Variants in VARS1 observed in about 807,000 individuals in gnomAD.
VARS1 encodes valine--tRNA ligase.
VARS1 carries 92 observed loss-of-function variants against 161.0 expected under a neutral mutation model. The observed-to-expected ratio is 0.57, with a 90% CI of 0.48 to 0.68. VARS1 has a LOEUF of 0.68. Ranked by LOEUF, VARS1 falls within the 30% of genes least tolerant of loss-of-function variation. The probability of loss-of-function intolerance (pLI) is 0.00; values close to 1 mark genes in which losing one functional copy is unlikely to be tolerated. For missense variants in VARS1, 1,338 were observed against 1,695.9 expected (o/e 0.79, Z 3.71); for synonymous variants, 595 against 682.5 (o/e 0.87, Z 2.00).
At position 31,792,496 on chromosome 6, in the gene VARS1, G is replaced by A. The variant is rs1813942498; in HGVS notation, c.682C>T (p.Pro228Ser). ...HQPGPEAPAL[P>S]KTAAQLKKEA... Reference sequence around the variant, plus strand: ...TTCTTGAGCTGAGCAGCTGTCTTTGGGAGGGCAGGAGCCTCGGGGCCTAGA... The same window carrying A: ...TTCTTGAGCTGAGCAGCTGTCTTTGAGAGGGCAGGAGCCTCGGGGCCTAGA... The change falls in exon 5 of 30, where the codon CCA (proline) becomes TCA (serine). Residue 228 changes from proline (P) to serine (S), a missense_variant. By Grantham distance (74) the Pro-to-Ser change is moderately conservative. Transcript: ENST00000375663. 2 of 1,613,750 alleles carry A rather than the reference G, an allele frequency of 1.2e-6. No individual in the cohort carries two copies. The highest frequency in any genetic ancestry group is 4.5e-5 in the East Asian group (2 of 44,850).
Position 31,782,441 on chromosome 6 carries a change from C to A in VARS1, c.1994G>T (p.Arg665Leu). The change falls in exon 17 of 30, where the codon CGG becomes CTG. Residue 665 changes from arginine to leucine, a missense_variant and splice_region_variant. This residue lies in a region of VARS1 where 902 missense variants were observed against 1,090.3 expected (regional missense o/e 0.83). Coordinates refer to ENST00000375663, the MANE Select transcript of VARS1 (RefSeq NM_006295.3). The surrounding 1 kb of genome is among the most constrained non-coding windows in gnomAD (Gnocchi z 8.3). ...CAGAGGCTCTACCACGTCCTTCGAC[C>A]GGCTGGGGGTACACGTAGGTGAGAA... The part of the protein sequence containing the change: ...DNPMVVPLCN[R>L]SKDVVEPLLR... 6.2e-7 allele frequency: 1 copy of A among 1,611,940 alleles called. No homozygotes were observed. Among genetic ancestry groups the A allele is most frequent in the Non-Finnish European group, 8.5e-7 (1 of 1,179,448 alleles).
At chr6:31,794,469 C>T (rs1814122856) in intron 2 of VARS1, among the ~76,000 whole-genome samples, 1 of 152,166 alleles carries the variant, frequency 6.6e-6, no homozygotes, top group African/African-American at 2.4e-5. Context: ...TCTCCCTCAC[C>T]CAGTCTTTTC....
rs1384815437 is a variant in VARS1, at chr6:31,779,859, T to C, written c.3082-45A>G. On this transcript the variant is annotated intron_variant, in intron 26 of 29. Coordinates refer to ENST00000375663, the MANE Select transcript of VARS1 (RefSeq NM_006295.3). The surrounding 1 kb of genome is among the most constrained non-coding windows in gnomAD (Gnocchi z 9.1). ...GGGCTCACGGCTGGAGGTCTAGCCT[T>C]GAGCCCTCGCTGTGCCTGTGAGGAC... 28 of 1,607,922 alleles carry C rather than the reference T, an allele frequency of 1.7e-5. No individual in the cohort carries two copies. The highest frequency in any genetic ancestry group is 2.1e-5 in the Non-Finnish European group (25 of 1,176,710).
At chr6:31,786,324 G>GAGTA (rs1295361201) in intron 8 of VARS1, among the ~76,000 whole-genome samples, 13 of 151,752 alleles carry the variant, frequency 8.6e-5, no homozygotes, top group Admixed American at 5.9e-4. Context: ...TGATTCTAAA[G>GAGTA]CTAGTCAAGG....
chr6:31,788,765 C>A (rs1427531319), intron 8 of VARS1, among the ~76,000 whole-genome samples: 1 of 151,808 alleles, frequency 6.6e-6, no homozygotes, highest in Non-Finnish European at 1.5e-5. Flanking sequence ...GCCAAGATTG[C>A]GCCACCGCAC....
rs746911944 is a variant in VARS1, at chr6:31,782,053, G to A, written c.2241+34C>T. The A allele has an allele frequency of 6.2e-7, 1 of 1,612,408 alleles. No homozygotes were observed. The highest frequency in any genetic ancestry group is 8.5e-7 in the Non-Finnish European group (1 of 1,179,074). On this transcript the variant is annotated intron_variant, in intron 18 of 29. Transcript: ENST00000375663. This position sits in a 1 kb window ranked among gnomAD's most constrained non-coding sequence, Gnocchi z 8.3. ...CCAGTAAACCCACCACTCCAGCAGG[G>A]TGTCCCAGCAGCTAGCTCTGGCCCT...
Position 31,777,743 on chromosome 6 carries a change from A to C in VARS1, c.3727-81T>G. On this transcript the variant is annotated intron_variant, in intron 29 of 29. Transcript: ENST00000375663. The surrounding 1 kb of genome is among the most constrained non-coding windows in gnomAD (Gnocchi z 5.8). Reference sequence around the variant, plus strand: ...AACACCCAGGACAACAAAGTTGGAAAGATGAGCGAGGACCATGGGAGGTCA... The same window carrying C: ...AACACCCAGGACAACAAAGTTGGAACGATGAGCGAGGACCATGGGAGGTCA... The C allele has an allele frequency of 6.6e-7, 1 of 1,518,528 alleles. No homozygotes were observed. Among genetic ancestry groups the C allele is most frequent in the Non-Finnish European group, 9.0e-7 (1 of 1,114,318 alleles). The allele number at this position is 1,518,528 out of a possible 1,614,324, so 94.1% of individuals were successfully genotyped here.
chr6:31,784,778 C>G lies in VARS1; in HGVS notation c.1348-64G>C. On this transcript the variant is annotated intron_variant, in intron 10 of 29. Transcript: ENST00000375663. The surrounding 1 kb of genome is among the most constrained non-coding windows in gnomAD (Gnocchi z 6.1). ...GTGCCTGGAGGCCCAGGCAGACACC[C>G]AGGGCTCCAGTGAGGCCTTGCCCAT... is the stretch of plus-strand genomic sequence containing the variant. 1 of 1,606,518 alleles carries G rather than the reference C, an allele frequency of 6.2e-7. No homozygotes were observed.
rs1437171498 is a variant in VARS1 at position 31,779,114 on chromosome 6, C to T, written c.3579G>A (p.Gly1193=). ...CCAGCTCCCGTGCAGGGTCCACCAG[C>T]CCCTGAAGCTGCAGGTGGATGGAGC... is the stretch of plus-strand genomic sequence containing the variant. ...DRCSIHLQLQ[G]LVDPARELGK... is the part of the protein sequence containing the mutation. Residue 1193 remains glycine, a synonymous_variant, in exon 29 of 30, where the codon GGG becomes GGA. Coordinates refer to ENST00000375663, the MANE Select transcript of VARS1 (RefSeq NM_006295.3). The surrounding 1 kb of genome is among the most constrained non-coding windows in gnomAD (Gnocchi z 9.1). 1.2e-6 allele frequency: 2 copies of T among 1,608,414 alleles called. No homozygotes were observed. The highest frequency in any genetic ancestry group is 1.1e-5 in the South Asian group (1 of 90,680).
chr6:31,793,131 G>T lies in VARS1; in HGVS notation c.388-11C>A. On this transcript the variant is annotated splice_polypyrimidine_tract_variant and intron_variant, in intron 2 of 29. Transcript: ENST00000375663. ...GGCCCCCAGCACAGCCTGGCAGGAA[G>T]GGGAAGAAGTGTGAGACAAGGTTTG... 1.3e-6 allele frequency: 2 copies of T among 1,580,566 alleles called. No individual in the cohort carries two copies. Among genetic ancestry groups the T allele is most frequent in the Non-Finnish European group, 1.7e-6 (2 of 1,170,930 alleles).
chr6:31,782,036 CCCA>C lies in VARS1; in HGVS notation c.2241+48_2241+50del. The stretch of plus-strand genomic sequence containing the variant: ...CTCCCCCCACCAAGGACCCAGTAAA[CCCA>C]CCACTCCAGCAGGGTGTCCCAGCAG... On this transcript the variant is annotated intron_variant, in intron 18 of 29. Coordinates refer to ENST00000375663, the MANE Select transcript of VARS1 (RefSeq NM_006295.3). The surrounding 1 kb of genome is among the most constrained non-coding windows in gnomAD (Gnocchi z 8.3). 1 of 1,612,422 alleles carries C rather than the reference CCCA, an allele frequency of 6.2e-7. No homozygotes were observed. The highest frequency in any genetic ancestry group is 8.5e-7 in the Non-Finnish European group (1 of 1,179,110).
Position 31,785,466 on chromosome 6 carries a change from G to A in VARS1, c.1265+103C>T, listed in dbSNP as rs1356066584. 1 of 1,523,150 alleles carries A rather than the reference G, an allele frequency of 6.6e-7. No homozygotes were observed. Among genetic ancestry groups the A allele is most frequent in the Non-Finnish European group, 8.9e-7 (1 of 1,129,182 alleles). The allele number at this position is 1,523,150 out of a possible 1,614,324, so 94.4% of individuals were successfully genotyped here. A position where few individuals can be genotyped will look rare whatever the true frequency, so the allele number is the denominator to read the frequency against. ...GAGCCAACTGACTCTGCCTCTGTGG[G>A]AGGGTCTGACCCTGTGGCCAAGGGG... On this transcript the variant is annotated intron_variant, in intron 9 of 29. Coordinates refer to ENST00000375663, the MANE Select transcript of VARS1 (RefSeq NM_006295.3). This position sits in a 1 kb window ranked among gnomAD's most constrained non-coding sequence, Gnocchi z 6.1.
chr6:31,786,512 T>C (rs1813516745), intron 8 of VARS1, among the ~76,000 whole-genome samples: 2 of 150,314 alleles, frequency 1.3e-5, no homozygotes, highest in South Asian at 4.2e-4. Context: ...ACCAAAAATA[T>C]AAAAATTAGC....
chr6:31,792,158 G>C, intron 6 of VARS1, 59 bp downstream of exon 6: 9 of 1,593,662 alleles, frequency 5.6e-6, no homozygotes, highest in Non-Finnish European at 6.9e-6. Flanking sequence ...AATAGAGCAA[G>C]ATAGGGTGAA....
intron 8 of VARS1, among the ~76,000 whole-genome samples, chr6:31,789,665 G>A (rs184771143): frequency 4.9e-4 from 74 of 152,182 alleles, no homozygotes; most frequent in Admixed American, 3.1e-3. Context: ...ATAGAGCAGG[G>A]GTATCCAATC....
chr6:31,794,550 T>G (rs997574995), intron 2 of VARS1, among the ~76,000 whole-genome samples: 1 of 152,216 alleles, frequency 6.6e-6, no homozygotes, highest in Non-Finnish European at 1.5e-5. Context: ...ACTTTAAAAG[T>G]GCCTGGCACT....
At position 31,784,584 on chromosome 6, in the gene VARS1, G is replaced by C; in HGVS notation, c.1467+11C>G. 1 of 1,613,342 alleles carries C rather than the reference G, an allele frequency of 6.2e-7. No individual in the cohort carries two copies. The highest frequency in any genetic ancestry group is 8.5e-7 in the Non-Finnish European group (1 of 1,180,036). On this transcript the variant is annotated intron_variant, in intron 11 of 29. Transcript: ENST00000375663. This position sits in a 1 kb window ranked among gnomAD's most constrained non-coding sequence, Gnocchi z 6.1. ...ATTGGAGATGGAGACAGGCCAGGTT[G>C]GGGGGCGCACCTCAATGTCAGAGAT...
intron 13 of VARS1, 131 bp from the exon 14 acceptor site, chr6:31,783,317 C>A: frequency 1.2e-6 from 1 of 851,862 alleles, no homozygotes. Flanking sequence ...CCAGCCTGGC[C>A]AACATGGGGA....
Position 31,785,408 on chromosome 6 carries a change from T to C in VARS1, c.1266-81A>G, listed in dbSNP as rs1050077251. On this transcript the variant is annotated intron_variant, in intron 9 of 29. Transcript: ENST00000375663. This position sits in a 1 kb window ranked among gnomAD's most constrained non-coding sequence, Gnocchi z 6.1. The stretch of plus-strand genomic sequence containing the variant: ...GGTGGCTGACTGGGCAGTGTGGAGA[T>C]CACCCATCCCCCTGAAATTTACCTG... 9.5e-6 allele frequency: 15 copies of C among 1,580,258 alleles called. No individual in the cohort carries two copies. In the South Asian group the frequency reaches 1.7e-4, roughly 18 times the overall value.
Sources: allele counts gnomAD v4.1 joint callset (sites outside exome capture counted in the v4.1 genomes callset), GRCh38; gene constraint gnomAD v4.1.1; regional missense constraint gnomAD v4.1.1; non-coding constraint Gnocchi (gnomAD v3.1); transcripts MANE v1.5; gene names NCBI Gene and HGNC (gene_info 2026-07-23, HGNC 2026-07-21).